The following PLCB1 variants were observed in gnomAD, a reference collection of about 807,000 sequenced individuals.
PLCB1 encodes the protein 1-phosphatidylinositol 4,5-bisphosphate phosphodiesterase beta-1.
Under a neutral mutation model 161.8 loss-of-function variants are expected in PLCB1, and 46 were observed. The observed-to-expected ratio is 0.28, with a 90% CI of 0.22 to 0.36. PLCB1 has a LOEUF of 0.36. Among genes scored for constraint, PLCB1 ranks in the 10% least tolerant of loss-of-function variants. PLCB1 has a pLI of 1.00. For synonymous variants in PLCB1, 517 were observed against 503.7 expected (o/e 1.03, Z -0.35); for missense variants, 1,016 against 1,472.5 (o/e 0.69, Z 5.07).
At chr20:8,593,959 A>G (rs1987239885) in intron 3 of PLCB1, among the ~76,000 whole-genome samples, 1 of 152,132 alleles carries the variant, frequency 6.6e-6, no homozygotes, top group Non-Finnish European at 1.5e-5. Flanking sequence ...AACATAGCTC[A>G]CTGCAGCCTC....
At chr20:8,681,398 A>T (rs924143395) in intron 9 of PLCB1, among the ~76,000 whole-genome samples, 2 of 152,080 alleles carry the variant, frequency 1.3e-5, no homozygotes, top group Non-Finnish European at 2.9e-5. Flanking sequence ...TTTGGAGCTA[A>T]AGTTAAAATC....
chr20:8,545,293 G>A (rs1985494180), intron 3 of PLCB1, among the ~76,000 whole-genome samples: 1 of 152,182 alleles, frequency 6.6e-6, no homozygotes, highest in Non-Finnish European at 1.5e-5. Context: ...CTTATGTTTG[G>A]GGCACTAGTG....
chr20:8,725,199 A>C (rs185254443), intron 16 of PLCB1, among the ~76,000 whole-genome samples: 1 of 152,310 alleles, frequency 6.6e-6, no homozygotes, highest in Non-Finnish European at 1.5e-5. Flanking sequence ...GAACCAATTT[A>C]TCTATATTCC....
intron 3 of PLCB1, among the ~76,000 whole-genome samples, chr20:8,391,785 G>T (rs62195928): frequency 2.6e-5 from 3 of 115,156 alleles, no homozygotes; most frequent in Admixed American, 9.9e-5. Context: ...ATATGTGTGT[G>T]TATATATATA....
intron 2 of PLCB1, among the ~76,000 whole-genome samples, chr20:8,248,181 G>A (rs1484165141): frequency 6.6e-6 from 1 of 151,838 alleles, no homozygotes; most frequent in Non-Finnish European, 1.5e-5. Flanking sequence ...TGACCTCATA[G>A]AGTACTCTGG....
chr20:8,606,757 C>A (rs991265102), intron 3 of PLCB1, among the ~76,000 whole-genome samples: 30 of 152,180 alleles, frequency 2.0e-4, no homozygotes, highest in African/African-American at 6.7e-4. Context: ...TAGAATTTAT[C>A]CTTGTTGTGA....
At chr20:8,186,116 G>A (rs1372086204) in intron 2 of PLCB1, among the ~76,000 whole-genome samples, 1 of 152,072 alleles carries the variant, frequency 6.6e-6, no homozygotes, top group Non-Finnish European at 1.5e-5. Context: ...TGGAAAAGGA[G>A]CTCACTAAAA....
At chr20:8,360,203 A>G (rs931104646) in intron 2 of PLCB1, among the ~76,000 whole-genome samples, 13 of 152,208 alleles carry the variant, frequency 8.5e-5, no homozygotes, top group African/African-American at 2.7e-4. Flanking sequence ...GGGGAGATCT[A>G]GCATCTCAGG....
chr20:8,221,655 T>G (rs1979414920), intron 2 of PLCB1, among the ~76,000 whole-genome samples: 1 of 152,194 alleles, frequency 6.6e-6, no homozygotes, highest in Non-Finnish European at 1.5e-5. Flanking sequence ...TGGGCTCTTC[T>G]GTCCCCCATC....
chr20:8,839,426 G>T (rs1023412913), intron 31 of PLCB1, among the ~76,000 whole-genome samples: 1 of 152,120 alleles, frequency 6.6e-6, no homozygotes, highest in Non-Finnish European at 1.5e-5. Flanking sequence ...ACAAGAGAAG[G>T]TTTTATAACA....
At chr20:8,213,625 A>G (rs1379857635) in intron 2 of PLCB1, among the ~76,000 whole-genome samples, 9 of 152,090 alleles carry the variant, frequency 5.9e-5, no homozygotes, top group Admixed American at 5.9e-4. Context: ...TTACATCTGA[A>G]ATGCAATAAG....
intron 2 of PLCB1, among the ~76,000 whole-genome samples, chr20:8,182,952 T>C (rs540796637): frequency 6.7e-6 from 1 of 148,456 alleles, no homozygotes; most frequent in Admixed American, 6.8e-5. Flanking sequence ...ACTATTAGAA[T>C]AACCACAAAT....
At chr20:8,810,837 G>A (rs866087297) in intron 31 of PLCB1, among the ~76,000 whole-genome samples, 1 of 152,176 alleles carries the variant, frequency 6.6e-6, no homozygotes, top group African/African-American at 2.4e-5. Context: ...GGTGGTGCAT[G>A]CTTGTAGTCC....
intron 20 of PLCB1, among the ~76,000 whole-genome samples, chr20:8,738,724 G>A (rs898347122): frequency 6.6e-5 from 10 of 152,274 alleles, no homozygotes; most frequent in African/African-American, 1.7e-4. Context: ...GCCTCATTAA[G>A]GCAAGGTGAT....
intron 3 of PLCB1, among the ~76,000 whole-genome samples, chr20:8,555,144 T>C (rs956827707): frequency 2.0e-5 from 3 of 152,042 alleles, no homozygotes; most frequent in African/African-American, 7.2e-5. Context: ...TTGATAATTT[T>C]TGCTGGTTTT....
At chr20:8,534,635 C>G (rs1315725367) in intron 3 of PLCB1, among the ~76,000 whole-genome samples, 2 of 152,110 alleles carry the variant, frequency 1.3e-5, no homozygotes, top group African/African-American at 4.8e-5. Flanking sequence ...CCAGAGCTTC[C>G]CCTCAGAGAG....
intron 1 of PLCB1, among the ~76,000 whole-genome samples, chr20:8,135,737 T>C (rs941284975): frequency 6.6e-6 from 1 of 152,200 alleles, no homozygotes; most frequent in African/African-American, 2.4e-5. Context: ...GGCATGAAGA[T>C]AAAGGACTGA....
chr20:8,253,193 T>TCCCTC (rs749731955), intron 2 of PLCB1, among the ~76,000 whole-genome samples: 1 of 151,924 alleles, frequency 6.6e-6, no homozygotes, highest in South Asian at 2.1e-4. Context: ...TTCAGAGGTA[T>TCCCTC]TGACTTCCCT....
At chr20:8,153,073 G>C (rs1193595215) in intron 2 of PLCB1, among the ~76,000 whole-genome samples, 1 of 152,086 alleles carries the variant, frequency 6.6e-6, no homozygotes, top group Non-Finnish European at 1.5e-5. Flanking sequence ...CCACAGAAAT[G>C]ATAGGTGACA....
Sources: allele counts gnomAD v4.1 joint callset (sites outside exome capture counted in the v4.1 genomes callset), GRCh38; gene constraint gnomAD v4.1.1; transcripts MANE v1.5; gene names NCBI Gene and HGNC (gene_info 2026-07-23, HGNC 2026-07-21).